The following KCNT2 variants were observed in gnomAD, a reference collection of about 807,000 sequenced individuals.
The protein encoded by KCNT2 is potassium channel subfamily T member 2.
KCNT2 carries 67 observed loss-of-function variants against 153.8 expected under a neutral mutation model. The ratio of observed to expected loss-of-function variants is 0.44; its 90% CI spans 0.36 to 0.53. The LOEUF is 0.53. KCNT2 is among the 20% of genes least tolerant of loss of function. The pLI, the probability that KCNT2 is intolerant of heterozygous loss-of-function variation, is 0.00. For missense variants in KCNT2, 975 were observed against 1,354.8 expected (o/e 0.72, Z 4.40); for synonymous variants, 500 against 458.8 (o/e 1.09, Z -1.15).
chr1:196,340,879 A>T (rs1052626305), intron 15 of KCNT2, among the ~76,000 whole-genome samples: 1 of 152,026 alleles, frequency 6.6e-6, no homozygotes. Flanking sequence ...GTCAAAAAAC[A>T]TAAACAGCAT....
intron 1 of KCNT2, among the ~76,000 whole-genome samples, chr1:196,568,357 G>C (rs999375456): frequency 6.6e-6 from 1 of 152,026 alleles, no homozygotes; most frequent in Non-Finnish European, 1.5e-5. Context: ...ACTTTGGGAG[G>C]CCGAGGCGGG....
chr1:196,566,001 G>A (rs1049233466), intron 1 of KCNT2, among the ~76,000 whole-genome samples: 2 of 151,854 alleles, frequency 1.3e-5, no homozygotes, highest in Non-Finnish European at 2.9e-5. Flanking sequence ...TATCTGAGAT[G>A]AGATTATATA....
At chr1:196,596,072 A>G (rs1664043606) in intron 1 of KCNT2, among the ~76,000 whole-genome samples, 1 of 3,694 alleles carries the variant, frequency 2.7e-4, no homozygotes, top group South Asian at 0.045. Flanking sequence ...ATATATATAT[A>G]TATATATATA....
intron 13 of KCNT2, among the ~76,000 whole-genome samples, chr1:196,374,227 T>G (rs1668763135): frequency 6.6e-6 from 1 of 151,756 alleles, no homozygotes; most frequent in Non-Finnish European, 1.5e-5. Context: ...AATTAAGAAA[T>G]AGAAGATCAA....
intron 1 of KCNT2, among the ~76,000 whole-genome samples, chr1:196,563,637 T>C (rs1389216903): frequency 6.6e-6 from 1 of 151,838 alleles, no homozygotes; most frequent in Non-Finnish European, 1.5e-5. Flanking sequence ...GCAAGCCAAA[T>C]TCAATAGCAC....
intron 23 of KCNT2, among the ~76,000 whole-genome samples, chr1:196,284,426 C>A (rs1298925665): frequency 6.7e-6 from 1 of 149,184 alleles, no homozygotes; most frequent in Non-Finnish European, 1.5e-5. Flanking sequence ...AACAGTTTTT[C>A]TTCTATTTAA....
At chr1:196,346,713 T>C (rs1666173781) in intron 14 of KCNT2, among the ~76,000 whole-genome samples, 1 of 152,152 alleles carries the variant, frequency 6.6e-6, no homozygotes, top group South Asian at 2.1e-4. Flanking sequence ...ATTAAAATAA[T>C]AAATTTGGAT....
In KCNT2 at chr1:196,386,241, A is replaced by C. The variant is rs1321516041; in HGVS notation, c.1294+12322T>G. Among the ~76,000 whole-genome samples, 5 of 152,194 alleles carry C rather than the reference A, an allele frequency of 3.3e-5. No individual in the cohort carries two copies. In the South Asian group the frequency reaches 1.0e-3, roughly 31 times the overall value. ...TTTGATAACTGCAACTACACTAAAT[A>C]ACCTACATCTTCATTGTAACATCAT... On this transcript the variant is annotated intron_variant, in intron 13 of 27. Transcript: ENST00000294725.
intron 10 of KCNT2, 21 bp from the exon 11 acceptor site, chr1:196,426,009 A>G: frequency 6.2e-7 from 1 of 1,602,022 alleles, no homozygotes. Flanking sequence ...CAAAATGGGC[A>G]ATGGAATAGA....
chr1:196,259,672 A>G (rs1656826897), intron 25 of KCNT2: 1 of 151,976 alleles, frequency 6.6e-6, no homozygotes, highest in Admixed American at 6.6e-5. Flanking sequence ...TGCTTTATAT[A>G]CAATTCCCAG....
At chr1:196,340,833 C>T (rs1256016207) in intron 15 of KCNT2, among the ~76,000 whole-genome samples, 1 of 151,676 alleles carries the variant, frequency 6.6e-6, no homozygotes, top group African/African-American at 2.4e-5. Context: ...CTAAGGGTAA[C>T]ATTATTTTGC....
intron 20 of KCNT2, among the ~76,000 whole-genome samples, chr1:196,317,803 C>T (rs777512644): frequency 1.3e-5 from 2 of 151,616 alleles, no homozygotes; most frequent in Non-Finnish European, 3.0e-5. Flanking sequence ...CCACGTGTGT[C>T]GGTTAATTCC....
At chr1:196,586,658 G>A (rs897246500) in intron 1 of KCNT2, among the ~76,000 whole-genome samples, 2 of 151,626 alleles carry the variant, frequency 1.3e-5, no homozygotes, top group Non-Finnish European at 2.9e-5. Context: ...AAGACAAGTA[G>A]AAAGAAATAG....
At chr1:196,531,400 G>A (rs1654919724) in intron 1 of KCNT2, among the ~76,000 whole-genome samples, 1 of 152,068 alleles carries the variant, frequency 6.6e-6, no homozygotes, top group South Asian at 2.1e-4. Flanking sequence ...GCTATGGGCT[G>A]GCTTGCAAGA....
chr1:196,265,423 G>A (rs1357224960), intron 25 of KCNT2, among the ~76,000 whole-genome samples: 1 of 152,140 alleles, frequency 6.6e-6, no homozygotes, highest in African/African-American at 2.4e-5. Flanking sequence ...TTTGGTAATA[G>A]CTCCATGTCA....
At chr1:196,559,818 A>G (rs1039332128) in intron 1 of KCNT2, among the ~76,000 whole-genome samples, 7 of 151,846 alleles carry the variant, frequency 4.6e-5, no homozygotes, top group South Asian at 4.1e-4. Context: ...TTTTTTTATA[A>G]TACAACAATC....
Position 196,396,972 on chromosome 1 carries a change from C to T in KCNT2, c.1294+1591G>A, listed in dbSNP as rs183430307. Among the ~76,000 whole-genome samples, 44 of 151,058 alleles carry T rather than the reference C, an allele frequency of 2.9e-4. 1 individual carries two copies. Among genetic ancestry groups the T allele is most frequent in the East Asian group, 2.3e-3 (12 of 5,110 alleles). ...ACACTCAAAATCACAAATTGTCTTT[C>T]GAAAATACATATTGTTTTAAGGTCT... On this transcript the variant is annotated intron_variant, in intron 13 of 27. Coordinates refer to ENST00000294725, the MANE Select transcript of KCNT2 (RefSeq NM_198503.5).
At chr1:196,477,595 CA>C (rs144574789) in intron 5 of KCNT2, among the ~76,000 whole-genome samples, 2,818 of 149,918 alleles carry the variant, frequency 0.019, 90 homozygotes, top group African/African-American at 0.064. Flanking sequence ...CCTCCCCCTC[CA>C]AAAAAAAAGT....
chr1:196,292,451 C>T (rs1479481792), intron 22 of KCNT2, among the ~76,000 whole-genome samples: 1 of 152,152 alleles, frequency 6.6e-6, no homozygotes, highest in Non-Finnish European at 1.5e-5. Context: ...CTGTTCAACA[C>T]AGTATTCGAA....
Sources: gnomAD v4.1 joint callset for allele counts (sites outside exome capture counted in the v4.1 genomes callset) on GRCh38, gnomAD v4.1.1 for gene constraint, MANE v1.5 for transcripts, NCBI Gene and HGNC (gene_info 2026-07-23, HGNC 2026-07-21) for gene names.